The following ZEB1 variants were observed in gnomAD, a reference collection of about 807,000 sequenced individuals.
ZEB1 encodes zinc finger E-box binding homeobox 1.
ZEB1 carries 21 observed loss-of-function variants against 84.9 expected under a neutral mutation model. That is an observed-to-expected ratio of 0.25 (90% CI 0.18 to 0.36). ZEB1 has a LOEUF of 0.36. ZEB1 is among the 10% of genes least tolerant of loss of function. The pLI is 1.00. For missense variants in ZEB1, 1,104 were observed against 1,330.2 expected, an observed-to-expected ratio of 0.83 and a Z score of 2.65; for synonymous variants, 420 against 471.1, an observed-to-expected ratio of 0.89 and a Z score of 1.41.
In ZEB1 at chr10:31,473,414, A is replaced by G. The variant is rs952813367; in HGVS notation, c.259+12177A>G. 4.5e-3 allele frequency among the ~76,000 whole-genome samples: 690 copies of G among 152,170 alleles called. 9 individuals carry two copies. Among genetic ancestry groups the G allele is most frequent in the African/African-American group, 0.014 (600 of 41,484 alleles). On this transcript the variant is annotated intron_variant, in intron 2 of 8. Transcript: ENST00000424869. ...ATCACAAGCATTCTTATACACCAGT[A>G]ACAGACAAACAGAGAGCCAAATCAT...
chr10:31,400,023 T>G (rs2051632140), intron 1 of ZEB1, among the ~76,000 whole-genome samples: 1 of 152,240 alleles, frequency 6.6e-6, no homozygotes, highest in Middle Eastern at 3.2e-3. Flanking sequence ...AATGAAGCTT[T>G]CTTTAGCCAC....
chr10:31,407,581 C>A (rs1228179619), intron 1 of ZEB1, among the ~76,000 whole-genome samples: 1 of 152,008 alleles, frequency 6.6e-6, no homozygotes, highest in African/African-American at 2.4e-5. Context: ...TTTATAGCAG[C>A]ATGATTTATA....
At chr10:31,511,319 T>A (rs2069960610) in intron 5 of ZEB1, among the ~76,000 whole-genome samples, 1 of 152,188 alleles carries the variant, frequency 6.6e-6, no homozygotes, top group Non-Finnish European at 1.5e-5. Context: ...ATTCTCAGTA[T>A]AAGCTACGTG....
intron 2 of ZEB1, among the ~76,000 whole-genome samples, chr10:31,471,691 C>G (rs1186146202): frequency 6.8e-6 from 1 of 146,974 alleles, no homozygotes; most frequent in Non-Finnish European, 1.5e-5. Context: ...GAATTGAACT[C>G]AGCTCTGCAC....
chr10:31,522,967 T>C (rs948280579), intron 7 of ZEB1, among the ~76,000 whole-genome samples: 1 of 152,200 alleles, frequency 6.6e-6, no homozygotes, highest in Non-Finnish European at 1.5e-5. Context: ...AAAAGAGCCA[T>C]CCTTAGCATT....
chr10:31,364,434 C>A (rs902176578), intron 1 of ZEB1, among the ~76,000 whole-genome samples: 4 of 152,172 alleles, frequency 2.6e-5, no homozygotes, highest in Admixed American at 6.5e-5. Flanking sequence ...CCTGTTTTGG[C>A]CGGCCCTGTC....
intron 7 of ZEB1, among the ~76,000 whole-genome samples, chr10:31,522,640 T>C (rs1227263924): frequency 6.6e-6 from 1 of 152,240 alleles, no homozygotes; most frequent in African/African-American, 2.4e-5. Flanking sequence ...TAGTTTTGGA[T>C]AGAGCTATTG....
chr10:31,411,588 C>T (rs938700140), intron 1 of ZEB1, among the ~76,000 whole-genome samples: 7 of 146,820 alleles, frequency 4.8e-5, no homozygotes, highest in Non-Finnish European at 8.9e-5. Flanking sequence ...GCCGAGATTG[C>T]GCCACTGCAG....
At position 31,526,652 on chromosome 10, in the gene ZEB1, AC is replaced by A. The variant is rs1444372326; in HGVS notation, c.2786-19del. On this transcript the variant is annotated intron_variant, in intron 8 of 8. Transcript: ENST00000424869. ...TTGCTGAATACCACCATTTTATTTA[AC>A]AGAATTCTTATTTTGCAGGTAAAAG... The A allele has an allele frequency of 6.2e-7, 1 of 1,612,382 alleles. No homozygotes were observed. The highest frequency in any genetic ancestry group is 8.5e-7 in the Non-Finnish European group (1 of 1,179,850).
At chr10:31,373,193 T>TTGTG (rs527915359) in intron 1 of ZEB1, 1,050 of 972,988 alleles carry the variant, frequency 1.1e-3, no homozygotes, top group East Asian at 2.5e-3. Context: ...TTCATTTAAA[T>TTGTG]TGTGTGTGTG....
chr10:31,432,166 C>T (rs1342648510), intron 1 of ZEB1, among the ~76,000 whole-genome samples: 1 of 152,220 alleles, frequency 6.6e-6, no homozygotes, highest in Non-Finnish European at 1.5e-5. Context: ...TCCGGTAGAA[C>T]TTTCTTGGAT....
chr10:31,447,179 T>C (rs938684538), intron 1 of ZEB1, among the ~76,000 whole-genome samples: 10 of 152,192 alleles, frequency 6.6e-5, no homozygotes, highest in South Asian at 2.1e-4. Context: ...TGGCCTTCTT[T>C]GTCTCTTTTG....
intron 1 of ZEB1, among the ~76,000 whole-genome samples, chr10:31,437,258 A>G (rs1389741728): frequency 2.6e-5 from 4 of 152,140 alleles, no homozygotes; most frequent in Non-Finnish European, 5.9e-5. Flanking sequence ...ATAATACTTC[A>G]TGTATATTAC....
chr10:31,352,200 A>G (rs1365705624), intron 1 of ZEB1, among the ~76,000 whole-genome samples: 1 of 152,146 alleles, frequency 6.6e-6, no homozygotes, highest in Admixed American at 6.5e-5. Flanking sequence ...TCAGTATTAA[A>G]TTTATCCAAA....
At chr10:31,318,956 G>A, upstream of ZEB1, 1 of 502,582 alleles carries the variant, frequency 2.0e-6, no homozygotes, top group Non-Finnish European at 3.6e-6. Context: ...CCCGGCATCC[G>A]CCTCCCTCTC....
intron 1 of ZEB1, among the ~76,000 whole-genome samples, chr10:31,448,628 T>A (rs1291033493): frequency 3.5e-4 from 53 of 151,836 alleles, no homozygotes; most frequent in African/African-American, 8.5e-4. Flanking sequence ...TTTTCCTTCT[T>A]ACAGACAGGA....
chr10:31,480,587 A>G (rs2064915998), intron 2 of ZEB1, among the ~76,000 whole-genome samples: 1 of 152,066 alleles, frequency 6.6e-6, no homozygotes, highest in Non-Finnish European at 1.5e-5. Context: ...AGCTCTACTT[A>G]TAAGGGAACA....
intron 1 of ZEB1, among the ~76,000 whole-genome samples, chr10:31,367,407 A>C (rs994092531): frequency 6.6e-6 from 1 of 152,144 alleles, no homozygotes; most frequent in African/African-American, 2.4e-5. Context: ...AGGTGGTGGT[A>C]GTAGTGATAA....
chr10:31,383,690 C>T (rs1157217289), intron 1 of ZEB1, among the ~76,000 whole-genome samples: 3 of 152,154 alleles, frequency 2.0e-5, no homozygotes, highest in Non-Finnish European at 4.4e-5. Context: ...GTACCTTAAT[C>T]ACACTAGCCA....
Sources: gnomAD v4.1 joint callset for allele counts (sites outside exome capture counted in the v4.1 genomes callset) on GRCh38, gnomAD v4.1.1 for gene constraint, MANE v1.5 for transcripts, NCBI Gene and HGNC (gene_info 2026-07-23, HGNC 2026-07-21) for gene names.